GRIN2A: variants seen among roughly 807,000 people sequenced by gnomAD.
GRIN2A encodes glutamate ionotropic receptor NMDA type subunit 2A, also known as glutamate receptor ionotropic, NMDA 2A.
GRIN2A carries 22 observed loss-of-function variants against 113.4 expected under a neutral mutation model. The ratio of observed to expected loss-of-function variants is 0.19; its 90% CI spans 0.14 to 0.28. The LOEUF is 0.28. Among genes scored for constraint, GRIN2A ranks in the 10% least tolerant of loss-of-function variants. GRIN2A has a pLI of 1.00. For missense variants in GRIN2A, 1,502 were observed against 1,887.0 expected, an observed-to-expected ratio of 0.80 and a Z score of 3.78; for synonymous variants, 827 against 738.4, an observed-to-expected ratio of 1.12 and a Z score of -1.94.
At chr16:10,165,115 T>G (rs1299313296) in intron 2 of GRIN2A, among the ~76,000 whole-genome samples, 1 of 152,206 alleles carries the variant, frequency 6.6e-6, no homozygotes, top group Non-Finnish European at 1.5e-5. Flanking sequence ...ACAAAGATGT[T>G]AAACAAGGTA....
At chr16:9,871,431 G>GAAAAAA (rs759065813) in intron 4 of GRIN2A, among the ~76,000 whole-genome samples, 2 of 98,600 alleles carry the variant, frequency 2.0e-5, no homozygotes, top group South Asian at 6.7e-4. Context: ...CACTGAAAAT[G>GAAAAAA]AAAAAAAAAA....
chr16:9,800,778 A>G (rs1903311849), intron 10 of GRIN2A, among the ~76,000 whole-genome samples: 1 of 152,142 alleles, frequency 6.6e-6, no homozygotes, highest in African/African-American at 2.4e-5. Context: ...GATTGGCAAC[A>G]GCGATGGTAA....
intron 2 of GRIN2A, among the ~76,000 whole-genome samples, chr16:10,084,050 G>A (rs1018681467): frequency 4.6e-5 from 7 of 152,148 alleles, no homozygotes; most frequent in Admixed American, 2.6e-4. Flanking sequence ...GCAGTGAGCC[G>A]AGATCATGCC....
chr16:10,130,396 C>G (rs561513461), intron 2 of GRIN2A, among the ~76,000 whole-genome samples: 1 of 152,340 alleles, frequency 6.6e-6, no homozygotes, highest in Non-Finnish European at 1.5e-5. Flanking sequence ...AATTTTCGAG[C>G]TGAGCAGATC....
chr16:10,023,501 C>T (rs573487341), intron 2 of GRIN2A, among the ~76,000 whole-genome samples: 11 of 152,262 alleles, frequency 7.2e-5, no homozygotes, highest in African/African-American at 2.4e-4. Flanking sequence ...AGTAAGAGAA[C>T]ACATCAGGAT....
intron 4 of GRIN2A, among the ~76,000 whole-genome samples, chr16:9,850,950 T>C (rs1365331256): frequency 6.6e-6 from 1 of 152,160 alleles, no homozygotes; most frequent in Non-Finnish European, 1.5e-5. Context: ...CCACACGCCA[T>C]TGCTTGACAC....
At chr16:9,826,356 C>T (rs1247650751) in intron 9 of GRIN2A, among the ~76,000 whole-genome samples, 1 of 152,162 alleles carries the variant, frequency 6.6e-6, no homozygotes, top group Non-Finnish European at 1.5e-5. Flanking sequence ...GCAATTTTCT[C>T]TTAATAATTC....
intron 2 of GRIN2A, among the ~76,000 whole-genome samples, chr16:10,013,789 T>A (rs2046553522): frequency 1.3e-5 from 2 of 152,226 alleles, no homozygotes; most frequent in Non-Finnish European, 2.9e-5. Context: ...AAAGAGATTT[T>A]CTTTGGTGAA....
At chr16:10,029,732 C>T (rs548612496) in intron 2 of GRIN2A, among the ~76,000 whole-genome samples, 7 of 152,244 alleles carry the variant, frequency 4.6e-5, no homozygotes, top group South Asian at 2.1e-4. Flanking sequence ...ACAATGCTCA[C>T]GCCTGTAATC....
At chr16:9,887,399 C>A (rs1349634384) in intron 4 of GRIN2A, among the ~76,000 whole-genome samples, 3 of 152,126 alleles carry the variant, frequency 2.0e-5, no homozygotes, top group Non-Finnish European at 1.5e-5. Context: ...CGTTTGCCTC[C>A]CTTGAACTTT....
At position 10,014,175 on chromosome 16, in the gene GRIN2A, A is replaced by G. The variant is rs142823343; in HGVS notation, c.415-75624T>C. ...ATGTGTAGGGGAGTCTGACTTGTCA[A>G]TATTCTGCTTTATTATCAGAACAAA... On this transcript the variant is annotated intron_variant, in intron 2 of 12. Coordinates refer to ENST00000330684, the MANE Select transcript of GRIN2A (RefSeq NM_001134407.3). Among the ~76,000 whole-genome samples the G allele has an allele frequency of 1.2e-3, 181 of 152,318 alleles. 2 individuals carry two copies. Among genetic ancestry groups the G allele is most frequent in the African/African-American group, 4.2e-3 (173 of 41,578 alleles).
At chr16:10,101,654 A>G (rs2048398916) in intron 2 of GRIN2A, among the ~76,000 whole-genome samples, 1 of 152,194 alleles carries the variant, frequency 6.6e-6, no homozygotes. Flanking sequence ...TAAACTTGGG[A>G]CAAGAGCCTA....
chr16:10,102,193 G>C (rs1237283778), intron 2 of GRIN2A, among the ~76,000 whole-genome samples: 1 of 152,248 alleles, frequency 6.6e-6, no homozygotes, highest in Non-Finnish European at 1.5e-5. Flanking sequence ...CAGTGTTGGA[G>C]GTAGGGCCTG....
chr16:9,888,696 CAAAT>C (rs2043634446), intron 4 of GRIN2A, among the ~76,000 whole-genome samples: 1 of 151,582 alleles, frequency 6.6e-6, no homozygotes, highest in South Asian at 2.1e-4. Context: ...TAAAAATTGT[CAAAT>C]AAAGCATCTC....
At chr16:10,023,473 G>C (rs1406105725) in intron 2 of GRIN2A, among the ~76,000 whole-genome samples, 1 of 152,118 alleles carries the variant, frequency 6.6e-6, no homozygotes, top group African/African-American at 2.4e-5. Context: ...TTAGTAACCT[G>C]GCACAAATCT....
chr16:9,862,737 C>G (rs1446667867), intron 4 of GRIN2A, among the ~76,000 whole-genome samples: 1 of 152,114 alleles, frequency 6.6e-6, no homozygotes, highest in Non-Finnish European at 1.5e-5. Context: ...TGTTTTCTCT[C>G]TTTTGGTTCT....
intron 2 of GRIN2A, among the ~76,000 whole-genome samples, chr16:10,086,000 T>C (rs769811367): frequency 6.6e-6 from 1 of 152,086 alleles, no homozygotes; most frequent in Non-Finnish European, 1.5e-5. Flanking sequence ...TGGGGCCATA[T>C]TGGGGGATGT....
chr16:10,041,793 C>T (rs747499237), intron 2 of GRIN2A, among the ~76,000 whole-genome samples: 5 of 152,298 alleles, frequency 3.3e-5, no homozygotes, highest in South Asian at 2.1e-4. Context: ...CAACCTACTC[C>T]GCTGAGCTCA....
chr16:10,139,999 G>C (rs976286348), intron 2 of GRIN2A, among the ~76,000 whole-genome samples: 5 of 152,072 alleles, frequency 3.3e-5, no homozygotes, highest in Non-Finnish European at 5.9e-5. Flanking sequence ...ATGAGAAATA[G>C]GAATCTATAG....
Sources: allele counts gnomAD v4.1 joint callset (sites outside exome capture counted in the v4.1 genomes callset), GRCh38; gene constraint gnomAD v4.1.1; transcripts MANE v1.5; gene names NCBI Gene and HGNC (gene_info 2026-07-23, HGNC 2026-07-21).